The following STOX2 variants were observed in gnomAD, a reference collection of about 807,000 sequenced individuals.
STOX2 encodes the protein storkhead-box protein 2.
A neutral mutation model predicts 60.9 loss-of-function variants in STOX2; 28 were observed. The observed-to-expected ratio is 0.46, with a 90% confidence interval of 0.34 to 0.63. The LOEUF is 0.63. Ranked by LOEUF, STOX2 falls within the 30% of genes least tolerant of loss-of-function variation. The probability of loss-of-function intolerance (pLI) is 0.01; values close to 1 mark genes in which losing one functional copy is unlikely to be tolerated. For missense variants in STOX2, 1,024 were observed against 1,187.7 expected (o/e 0.86, Z 2.03); for synonymous variants, 472 against 463.9 (o/e 1.02, Z -0.22).
At chr4:183,960,519 C>T (rs1436275130) in intron 1 of STOX2, among the ~76,000 whole-genome samples, 2 of 152,168 alleles carry the variant, frequency 1.3e-5, no homozygotes, top group Non-Finnish European at 2.9e-5. Context: ...GATAACCCTC[C>T]ATATTAGTCA....
intron 1 of STOX2, among the ~76,000 whole-genome samples, chr4:183,981,526 C>A (rs1013979576): frequency 3.9e-5 from 6 of 151,986 alleles, no homozygotes; most frequent in Non-Finnish European, 8.8e-5. Context: ...TGGAGAAGGG[C>A]AACACTTCGT....
intron 1 of STOX2, among the ~76,000 whole-genome samples, chr4:183,986,832 G>T (rs536494466): frequency 6.6e-6 from 1 of 152,304 alleles, no homozygotes; most frequent in South Asian, 2.1e-4. Context: ...CTGAATCACC[G>T]GAGTCAGGAG....
chr4:184,004,246 T>A (rs1733721452), intron 2 of STOX2, among the ~76,000 whole-genome samples: 1 of 152,220 alleles, frequency 6.6e-6, no homozygotes, highest in Admixed American at 6.5e-5. Flanking sequence ...AGAATTTGGC[T>A]TCTTTTCTTG....
intron 1 of STOX2, among the ~76,000 whole-genome samples, chr4:183,851,426 G>A (rs1406193727): frequency 1.2e-5 from 1 of 80,870 alleles, no homozygotes; most frequent in African/African-American, 5.3e-5. Flanking sequence ...TGAGGGAAAG[G>A]ATGAGAGAAA....
intron 1 of STOX2, among the ~76,000 whole-genome samples, chr4:183,847,820 C>G (rs1160967836): frequency 6.6e-6 from 1 of 152,194 alleles, no homozygotes; most frequent in Non-Finnish European, 1.5e-5. Flanking sequence ...TGTACAGGAA[C>G]AGGCCCTTGG....
chr4:183,957,551 G>A (rs1743286726), intron 1 of STOX2, among the ~76,000 whole-genome samples: 1 of 152,168 alleles, frequency 6.6e-6, no homozygotes, highest in African/African-American at 2.4e-5. Context: ...TGCCATAATG[G>A]ACTCATGGAT....
rs1376413349 is a variant in STOX2 at position 184,009,887 on chromosome 4, C to T, written c.1049C>T (p.Ser350Phe). 1 of 1,612,112 alleles carries T rather than the reference C, an allele frequency of 6.2e-7. No homozygotes were observed. The highest frequency in any genetic ancestry group is 1.1e-5 in the South Asian group (1 of 90,660). ...EKAQRSKAGS[S>F]AHHSGRSKKS... ...GCCCAGAGGAGTAAAGCCGGGTCCT[C>T]TGCCCATCACAGCGGAAGGAGTAAA... Residue 350 changes from serine to phenylalanine, a missense_variant, in exon 3 of 4, where the codon TCT becomes TTT. By Grantham distance (155) the Ser-to-Phe change is radical (BLOSUM62 -2). Transcript: ENST00000308497. This position sits in a 1 kb window ranked among gnomAD's most constrained non-coding sequence, Gnocchi z 4.0.
intron 2 of STOX2, among the ~76,000 whole-genome samples, chr4:184,007,002 C>CGAG (rs1413289499): frequency 1.0e-5 from 1 of 99,502 alleles, no homozygotes; most frequent in Non-Finnish European, 1.8e-5. Context: ...GGCGACAGAG[C>CGAG]GAGACTCTGT....
chr4:183,986,988 G>T (rs1486486861), intron 1 of STOX2, among the ~76,000 whole-genome samples: 7 of 152,196 alleles, frequency 4.6e-5, no homozygotes, highest in Non-Finnish European at 8.8e-5. Context: ...TAGCTGAGCT[G>T]CTGGGTTCAT....
intron 1 of STOX2, among the ~76,000 whole-genome samples, chr4:183,921,450 A>G (rs1254458935): frequency 1.3e-5 from 2 of 152,214 alleles, no homozygotes; most frequent in East Asian, 1.9e-4. Context: ...AAAACAAAAA[A>G]AAAGTGTCCT....
At chr4:183,999,504 T>C (rs1579527453) in intron 1 of STOX2, among the ~76,000 whole-genome samples, 1 of 152,150 alleles carries the variant, frequency 6.6e-6, no homozygotes, top group African/African-American at 2.4e-5. Context: ...GACAACGTCT[T>C]ATCCTCCTCA....
chr4:183,924,819 T>C (rs1366404470), intron 1 of STOX2, among the ~76,000 whole-genome samples: 1 of 152,102 alleles, frequency 6.6e-6, no homozygotes, highest in African/African-American at 2.4e-5. Flanking sequence ...GGAAGTTGGC[T>C]GCAAGAGTTG....
chr4:184,017,611 C>A lies in STOX2; in HGVS notation c.*327C>A. On this transcript the variant is annotated 3_prime_UTR_variant, in exon 4 of 4. Transcript: ENST00000308497. ...TTCAATGTCATGCAGTTGCCAATTC[C>A]ATTTTAAAATGCCACAGATGCGTGT... 2 of 162,646 alleles carry A rather than the reference C, an allele frequency of 1.2e-5. No homozygotes were observed. Among genetic ancestry groups the A allele is most frequent in the Non-Finnish European group, 2.5e-5 (2 of 78,664 alleles). The allele number at this position is 162,646 out of a possible 1,614,324, so 10.1% of individuals were successfully genotyped here. A position where few individuals can be genotyped will look rare whatever the true frequency, so the allele number is the denominator to read the frequency against.
chr4:183,871,150 A>G (rs534527847), intron 1 of STOX2, among the ~76,000 whole-genome samples: 44 of 152,318 alleles, frequency 2.9e-4, no homozygotes, highest in Non-Finnish European at 5.4e-4. Flanking sequence ...CCATCCTTGC[A>G]GGGAGCACAG....
At chr4:183,917,261 G>C (rs1741958313) in intron 1 of STOX2, among the ~76,000 whole-genome samples, 1 of 152,268 alleles carries the variant, frequency 6.6e-6, no homozygotes, top group Non-Finnish European at 1.5e-5. Flanking sequence ...CAGGGTGATT[G>C]TGGTGGATCG....
rs1315789743 is a variant in STOX2, at chr4:183,821,183, C to T, written c.364+23128C>T. Among the ~76,000 whole-genome samples, 1 of 152,184 alleles carries T rather than the reference C, an allele frequency of 6.6e-6. No individual in the cohort carries two copies. Among genetic ancestry groups the T allele is most frequent in the Non-Finnish European group, 1.5e-5 (1 of 68,024 alleles). On this transcript the variant is annotated intron_variant, in intron 1 of 2. Coordinates refer to the STOX2 transcript ENST00000513034. The surrounding 1 kb of genome is among the most constrained non-coding windows in gnomAD (Gnocchi z 4.2). ...CTGTTGAGTTCCTGGCCCTCCTTTC[C>T]TGATGCCAATCTAATATAGCATAAC...
intron 1 of STOX2, among the ~76,000 whole-genome samples, chr4:183,878,415 G>A (rs1225588710): frequency 6.6e-6 from 1 of 152,212 alleles, no homozygotes; most frequent in African/African-American, 2.4e-5. Flanking sequence ...CGGAAAAGCA[G>A]CTACAAAATA....
At chr4:183,822,964 C>T (rs1269229574) in intron 1 of STOX2, among the ~76,000 whole-genome samples, 1 of 152,214 alleles carries the variant, frequency 6.6e-6, no homozygotes, top group African/African-American at 2.4e-5. Context: ...ACATGGCTCT[C>T]CTAGCCTTCC....
Position 184,010,917 on chromosome 4 carries a change from G to A in STOX2, c.2079G>A (p.Lys693=). Residue 693 remains lysine (K), a synonymous_variant, in exon 3 of 4, where the codon AAG becomes AAA. Coordinates refer to ENST00000308497, the MANE Select transcript of STOX2 (RefSeq NM_020225.3). The surrounding 1 kb of genome is among the most constrained non-coding windows in gnomAD (Gnocchi z 4.5). ...GTGCCGAGCCCAGCAGCTTGGACAA[G>A]AGGAAAGAGATATTTAGCAAAGACA... ...HHGAEPSSLD[K]RKEIFSKDTL... 5 of 1,613,394 alleles carry A rather than the reference G, an allele frequency of 3.1e-6. No individual in the cohort carries two copies. The highest frequency in any genetic ancestry group is 4.2e-6 in the Non-Finnish European group (5 of 1,179,612).
Sources: allele counts gnomAD v4.1 joint callset (sites outside exome capture counted in the v4.1 genomes callset), GRCh38; gene constraint gnomAD v4.1.1; non-coding constraint Gnocchi (gnomAD v3.1); transcripts MANE v1.5; gene names NCBI Gene and HGNC (gene_info 2026-07-23, HGNC 2026-07-21).